Variants in GOLGA1 observed in about 807,000 individuals in gnomAD.
GOLGA1 encodes the protein golgin A1, also known as golgin subfamily A member 1.
GOLGA1 carries 63 observed loss-of-function variants against 119.7 expected under a neutral mutation model. The ratio of observed to expected loss-of-function variants is 0.53; its 90% confidence interval spans 0.43 to 0.65. The LOEUF (loss-of-function observed/expected upper bound fraction) is 0.65. GOLGA1 is among the 30% of genes least tolerant of loss of function. The pLI, the probability that GOLGA1 is intolerant of heterozygous loss-of-function variation, is 0.00. For synonymous variants in GOLGA1, 318 were observed against 333.4 expected (o/e 0.95, Z 0.50); for missense variants, 798 against 912.8 (o/e 0.87, Z 1.62).
Position 124,879,952 on chromosome 9 carries a change from A to G in GOLGA1, c.*578T>C, listed in dbSNP as rs671483. On this transcript the variant is annotated 3_prime_UTR_variant, in exon 23 of 23. Transcript: ENST00000373555. ...TGCATTTTCTCATTCATCCACACCGACCCTTAAAGATGGATCCTCTAAAGT... is the reference window on the plus strand; with the variant it reads ...TGCATTTTCTCATTCATCCACACCGGCCCTTAAAGATGGATCCTCTAAAGT... 0.96 allele frequency: 147,019 copies of G among 152,696 alleles called. 71,027 individuals are homozygous for G. Among genetic ancestry groups the G allele is most frequent in the East Asian group, 1 (5,186 of 5,186 alleles). The allele number at this position is 152,696 out of a possible 1,614,324, so 9.5% of individuals were successfully genotyped here. A position where few individuals can be genotyped will look rare whatever the true frequency, so the allele number is the denominator to read the frequency against.
At chr9:124,924,903 C>G (rs1830643983) in intron 7 of GOLGA1, among the ~76,000 whole-genome samples, 1 of 151,364 alleles carries the variant, frequency 6.6e-6, no homozygotes, top group African/African-American at 2.4e-5. Flanking sequence ...CACAGTGAAA[C>G]CCTGTCTCTA....
In GOLGA1 at chr9:124,938,833, A is replaced by C; in HGVS notation, c.-122T>G. ...ATCCAAGCTAGCTGCATTCCCACTT[A>C]AATGTGGGCCAAGGGCTTATGGCAA... is the stretch of plus-strand genomic sequence containing the variant. On this transcript the variant is annotated 5_prime_UTR_variant, in exon 3 of 23. Transcript: ENST00000373555. 1.4e-6 allele frequency: 1 copy of C among 717,600 alleles called. No individual in the cohort carries two copies. The highest frequency in any genetic ancestry group is 3.1e-5 in the Admixed American group (1 of 32,768). 44.5% of individuals were successfully genotyped at this position (717,600 alleles called of 1,614,324 possible). A position where few individuals can be genotyped will look rare whatever the true frequency, so the allele number is the denominator to read the frequency against.
intron 19 of GOLGA1, among the ~76,000 whole-genome samples, chr9:124,883,333 T>C (rs552398782): frequency 3.3e-5 from 5 of 152,208 alleles, no homozygotes; most frequent in African/African-American, 1.2e-4. Flanking sequence ...TTGCCCAGGT[T>C]GGAGTGCAAT....
intron 11 of GOLGA1, among the ~76,000 whole-genome samples, chr9:124,909,882 A>C (rs1032795504): frequency 6.6e-6 from 1 of 152,072 alleles, no homozygotes; most frequent in African/African-American, 2.4e-5. Context: ...CTCTTGCTTC[A>C]GCCTCCTGAG....
At chr9:124,905,794 T>C (rs924607993) in intron 12 of GOLGA1, among the ~76,000 whole-genome samples, 1 of 152,084 alleles carries the variant, frequency 6.6e-6, no homozygotes, top group African/African-American at 2.4e-5. Flanking sequence ...AAATGGCAGT[T>C]CTCTAGAATA....
Position 124,921,775 on chromosome 9 carries a change from T to C in GOLGA1, c.679A>G (p.Ser227Gly), listed in dbSNP as rs1830574532. The C allele has an allele frequency of 5.0e-6, 8 of 1,613,950 alleles. No homozygotes were observed. The highest frequency in any genetic ancestry group is 5.9e-6 in the Non-Finnish European group (7 of 1,179,776). Residue 227 changes from serine (S) to glycine (G), a missense_variant, in exon 9 of 23, where the codon AGC (serine) becomes GGC (glycine). Transcript: ENST00000373555. Reference sequence around the variant, plus strand: ...CTCTGCAATTCTTCTAGCTTCTGGCTTAAGTCTGATGACATCTGATTGGAG... The same window carrying C: ...CTCTGCAATTCTTCTAGCTTCTGGCCTAAGTCTGATGACATCTGATTGGAG... ...MNSNQMSSDLSQKLEELQRHY... is the reference protein window; with the variant it reads ...MNSNQMSSDLGQKLEELQRHY...
At chr9:124,934,935 T>C (rs1276221393) in intron 3 of GOLGA1, among the ~76,000 whole-genome samples, 1 of 152,048 alleles carries the variant, frequency 6.6e-6, no homozygotes, top group African/African-American at 2.4e-5. Context: ...TAGTCCCAAC[T>C]ACTCACGAGG....
chr9:124,883,850 G>A (rs1829651076), intron 19 of GOLGA1, among the ~76,000 whole-genome samples: 1 of 152,118 alleles, frequency 6.6e-6, no homozygotes, highest in African/African-American at 2.4e-5. Context: ...AACCTCCCGA[G>A]TAGCTGGGAC....
intron 15 of GOLGA1, among the ~76,000 whole-genome samples, chr9:124,896,986 C>T (rs924772469): frequency 2.6e-5 from 4 of 152,092 alleles, no homozygotes; most frequent in African/African-American, 4.8e-5. Flanking sequence ...GCCTGTGTCC[C>T]GCCTCACCAC....
intron 11 of GOLGA1, among the ~76,000 whole-genome samples, chr9:124,910,088 G>A (rs755340081): frequency 1.4e-4 from 21 of 152,140 alleles, no homozygotes; most frequent in African/African-American, 4.6e-4. Flanking sequence ...GTGCCACCAC[G>A]CCCAGCTAAT....
intron 7 of GOLGA1, among the ~76,000 whole-genome samples, chr9:124,924,280 C>T (rs542374644): frequency 6.6e-6 from 1 of 151,614 alleles, no homozygotes; most frequent in South Asian, 2.1e-4. Flanking sequence ...TTTCAGTTAA[C>T]AAGCTAAAAA....
intron 11 of GOLGA1, 106 bp downstream of exon 11, chr9:124,911,795 C>T (rs1830345742): frequency 1.1e-6 from 1 of 949,684 alleles, no homozygotes; most frequent in Non-Finnish European, 1.6e-6. Flanking sequence ...CTTTTGTTAC[C>T]ATGCTGTTTG....
rs2304956 is a variant in GOLGA1, at chr9:124,882,017, G to A, written c.1966-63C>T. ...CTGAGACAGGTGGAAAAAATCACACGGGAGGTTCACCTGGTCCAAACTATG... is the reference window on the plus strand; with the variant it reads ...CTGAGACAGGTGGAAAAAATCACACAGGAGGTTCACCTGGTCCAAACTATG... On this transcript the variant is annotated intron_variant, in intron 20 of 22. Transcript: ENST00000373555. 8,574 of 1,248,384 alleles carry A rather than the reference G, an allele frequency of 6.9e-3. 455 individuals carry two copies. The Admixed American group carries it at 0.11, about 17-fold the overall frequency. The allele number at this position is 1,248,384 out of a possible 1,614,324, so 77.3% of individuals were successfully genotyped here. A position where few individuals can be genotyped will look rare whatever the true frequency, so the allele number is the denominator to read the frequency against.
intron 3 of GOLGA1, among the ~76,000 whole-genome samples, chr9:124,937,029 A>G (rs1026781883): frequency 3.9e-5 from 6 of 152,354 alleles, no homozygotes; most frequent in South Asian, 2.1e-4. Context: ...GAAGAAACAT[A>G]TAAGTGGCTT....
chr9:124,899,369 C>T lies in GOLGA1; in HGVS notation c.1271G>A (p.Arg424Lys). Reference sequence around the variant, plus strand: ...GGTGGTCTGGTCAGCTGCCCGCGTTCTCTCCAGGGCCACTATCTGGGCTTC... The same window carrying T: ...GGTGGTCTGGTCAGCTGCCCGCGTTTTCTCCAGGGCCACTATCTGGGCTTC... Reference protein sequence around the residue: ...ALEAQIVALERTRAADQTTAE... With the variant: ...ALEAQIVALEKTRAADQTTAE... The change falls in exon 14 of 23, where the codon AGA (arginine) becomes AAA (lysine). Residue 424 changes from arginine to lysine, a missense_variant. Arg to Lys is a conservative substitution (Grantham distance 26, BLOSUM62 2). Transcript: ENST00000373555. 6.5e-7 allele frequency: 1 copy of T among 1,549,592 alleles called. No individual in the cohort carries two copies. Among genetic ancestry groups the T allele is most frequent in the South Asian group, 1.2e-5 (1 of 84,068 alleles).
At chr9:124,898,699 G>T in intron 14 of GOLGA1, 55 bp from the exon 15 acceptor site, 7 of 1,022,434 alleles carry the variant, frequency 6.8e-6, no homozygotes, top group East Asian at 2.4e-5. Flanking sequence ...TATTTCCCTG[G>T]GCACAGGGAG....
At chr9:124,936,875 A>G (rs1045314813) in intron 3 of GOLGA1, among the ~76,000 whole-genome samples, 1 of 152,242 alleles carries the variant, frequency 6.6e-6, no homozygotes, top group East Asian at 1.9e-4. Flanking sequence ...TGCAACTTTT[A>G]TAACTTCAAA....
intron 10 of GOLGA1, among the ~76,000 whole-genome samples, chr9:124,916,429 G>A (rs1328870174): frequency 6.6e-6 from 1 of 151,338 alleles, no homozygotes; most frequent in Admixed American, 6.6e-5. Context: ...TGAAGATAGG[G>A]GAGCAACTAA....
chr9:124,912,474 A>C (rs899526835), intron 10 of GOLGA1, among the ~76,000 whole-genome samples: 6 of 152,238 alleles, frequency 3.9e-5, no homozygotes, highest in Non-Finnish European at 5.9e-5. Context: ...CAGGACAGGG[A>C]CCACAGCAGA....
Sources: allele counts gnomAD v4.1 joint callset (sites outside exome capture counted in the v4.1 genomes callset), GRCh38; gene constraint gnomAD v4.1.1; transcripts MANE v1.5; gene names NCBI Gene and HGNC (gene_info 2026-07-23, HGNC 2026-07-21).